The following B3GAT2 variants were observed in gnomAD, a reference collection of about 807,000 sequenced individuals.
The protein encoded by B3GAT2 is galactosylgalactosylxylosylprotein 3-beta-glucuronosyltransferase 2.
A neutral mutation model predicts 27.8 loss-of-function variants in B3GAT2; 26 were observed. That is an observed-to-expected ratio of 0.93 (90% CI 0.68 to 1.30). B3GAT2 has a LOEUF of 1.30. Among genes scored for constraint, B3GAT2 ranks in the 50% most tolerant of loss-of-function variants. The pLI, the probability that B3GAT2 is intolerant of heterozygous loss-of-function variation, is 0.00. For missense variants in B3GAT2, 458 were observed against 459.0 expected (o/e 1.00, Z 0.02); for synonymous variants, 218 against 195.1 (o/e 1.12, Z -0.98).
At chr6:70,949,007 ATG>A (rs1464971174) in intron 1 of B3GAT2, among the ~76,000 whole-genome samples, 1 of 152,226 alleles carries the variant, frequency 6.6e-6, no homozygotes, top group Non-Finnish European at 1.5e-5. Context: ...GGCTAGCCAT[ATG>A]TAGAAAGCTG....
intron 2 of B3GAT2, among the ~76,000 whole-genome samples, chr6:70,879,606 G>A (rs190892930): frequency 1.3e-5 from 2 of 152,284 alleles, no homozygotes; most frequent in East Asian, 3.9e-4. Flanking sequence ...TATAGCCCAG[G>A]TGCAGGCTTG....
intron 1 of B3GAT2, among the ~76,000 whole-genome samples, chr6:70,916,156 G>T (rs1772769569): frequency 6.6e-6 from 1 of 151,876 alleles, no homozygotes; most frequent in Non-Finnish European, 1.5e-5. Flanking sequence ...TATTCTCTTT[G>T]AGGCAGTTGG....
At chr6:70,905,672 G>A (rs927415625) in intron 1 of B3GAT2, among the ~76,000 whole-genome samples, 2 of 152,140 alleles carry the variant, frequency 1.3e-5, no homozygotes, top group African/African-American at 4.8e-5. Flanking sequence ...GGTTTGTGTA[G>A]CTGTATAGTC....
intron 1 of B3GAT2, among the ~76,000 whole-genome samples, chr6:70,954,490 CAG>C (rs1765619796): frequency 6.6e-6 from 1 of 152,102 alleles, no homozygotes; most frequent in South Asian, 2.1e-4. Context: ...TAAAGCCACA[CAG>C]AAAAATTAAA....
chr6:70,932,113 T>C (rs1773071936), intron 1 of B3GAT2, among the ~76,000 whole-genome samples: 1 of 152,296 alleles, frequency 6.6e-6, no homozygotes, highest in East Asian at 1.9e-4. Context: ...CTTCATATTT[T>C]TTTGCATGGC....
At chr6:70,954,918 G>A (rs182405061) in intron 1 of B3GAT2, among the ~76,000 whole-genome samples, 2,707 of 151,664 alleles carry the variant, frequency 0.018, 117 homozygotes, top group African/African-American at 0.06. Flanking sequence ...GGGGCGGCGG[G>A]GGGGGGCGGT....
chr6:70,907,634 G>C (rs568287457), intron 1 of B3GAT2, among the ~76,000 whole-genome samples: 7 of 152,308 alleles, frequency 4.6e-5, no homozygotes, highest in African/African-American at 1.7e-4. Context: ...GCACACTGGA[G>C]CATGGGCAAA....
chr6:70,914,066 G>C (rs1772729770), intron 1 of B3GAT2, among the ~76,000 whole-genome samples: 1 of 151,928 alleles, frequency 6.6e-6, no homozygotes, highest in South Asian at 2.1e-4. Flanking sequence ...CCTTTATTTT[G>C]AGCCTATGGG....
chr6:70,884,851 A>G (rs1431592508), intron 2 of B3GAT2, among the ~76,000 whole-genome samples: 2 of 152,228 alleles, frequency 1.3e-5, no homozygotes, highest in Admixed American at 1.3e-4. Context: ...AATTGAGGTG[A>G]ACTGATGTGC....
chr6:70,929,449 C>T (rs1159260514), intron 1 of B3GAT2, among the ~76,000 whole-genome samples: 2 of 152,032 alleles, frequency 1.3e-5, no homozygotes, highest in Non-Finnish European at 2.9e-5. Flanking sequence ...TTTAGAAAAC[C>T]CCATCGTCTC....
intron 2 of B3GAT2, among the ~76,000 whole-genome samples, chr6:70,862,191 G>A (rs928688209): frequency 2.4e-4 from 36 of 152,218 alleles, no homozygotes; most frequent in East Asian, 1.2e-3. Context: ...AAATAAAGGC[G>A]TGCACAGGAG....
intron 1 of B3GAT2, among the ~76,000 whole-genome samples, chr6:70,907,942 T>C (rs993651073): frequency 2.0e-5 from 3 of 152,232 alleles, no homozygotes; most frequent in African/African-American, 7.2e-5. Context: ...CAGTTTGAGT[T>C]GGGGTTTTTG....
chr6:70,949,266 G>A lies in B3GAT2; in HGVS notation c.591+6573C>T, dbSNP rs550025671. 2.8e-4 allele frequency among the ~76,000 whole-genome samples: 42 copies of A among 151,974 alleles called. No homozygotes were observed. The East Asian group carries it at 6.2e-3, about 22-fold the overall frequency. ...AAGAAACTACCATCAGAGTGAACAGGCAACCTACAAAATGGGAGAATATTT... is the reference window on the plus strand; with the variant it reads ...AAGAAACTACCATCAGAGTGAACAGACAACCTACAAAATGGGAGAATATTT... On this transcript the variant is annotated intron_variant, in intron 1 of 3. Transcript: ENST00000230053.
In B3GAT2 at chr6:70,934,050, G is replaced by A. The variant is rs114088409; in HGVS notation, c.591+21789C>T. On this transcript the variant is annotated intron_variant, in intron 1 of 3. Coordinates refer to ENST00000230053, the MANE Select transcript of B3GAT2 (RefSeq NM_080742.3). ...GAATGCCAAGGGTGGGACCCAGAAC[G>A]CAGTAAAAAATGAAAAAAGCACTAG... 5.3e-3 allele frequency among the ~76,000 whole-genome samples: 805 copies of A among 152,272 alleles called. 9 individuals carry two copies. Among genetic ancestry groups the A allele is most frequent in the African/African-American group, 0.018 (757 of 41,556 alleles).
intron 2 of B3GAT2, among the ~76,000 whole-genome samples, chr6:70,884,095 C>CAAAAAAA (rs70990339): frequency 9.9e-6 from 1 of 100,694 alleles, no homozygotes; most frequent in Non-Finnish European, 2.0e-5. Flanking sequence ...CCTCAAGACT[C>CAAAAAAA]AAAAAAAAAA....
intron 1 of B3GAT2, among the ~76,000 whole-genome samples, chr6:70,909,773 A>G (rs1261500386): frequency 6.6e-6 from 1 of 152,222 alleles, no homozygotes; most frequent in Non-Finnish European, 1.5e-5. Context: ...TTAAACAAAT[A>G]TCTGAATTCA....
At chr6:70,872,225 T>C (rs1442874257) in intron 2 of B3GAT2, among the ~76,000 whole-genome samples, 1 of 151,964 alleles carries the variant, frequency 6.6e-6, no homozygotes, top group Non-Finnish European at 1.5e-5. Flanking sequence ...ATTTACAGTG[T>C]TTTTCAAGTC....
rs532092702 is a variant in B3GAT2 at position 70,871,578 on chromosome 6, G to T, written c.737-9600C>A. 5.3e-5 allele frequency among the ~76,000 whole-genome samples: 8 copies of T among 151,786 alleles called. No homozygotes were observed. In the East Asian group the frequency reaches 1.5e-3, roughly 29 times the overall value. ...TTATGTAAGGTTGGTATTAATATTC[G>T]TGCTTTCATTCCTGATTTTAGTAAT... On this transcript the variant is annotated intron_variant, in intron 2 of 3. Transcript: ENST00000230053.
chr6:70,888,079 G>A (rs1772220193), intron 2 of B3GAT2, among the ~76,000 whole-genome samples: 1 of 152,320 alleles, frequency 6.6e-6, no homozygotes. Context: ...TCGAGGTGGA[G>A]TGGACACGGG....
Sources: allele counts gnomAD v4.1 joint callset (sites outside exome capture counted in the v4.1 genomes callset), GRCh38; gene constraint gnomAD v4.1.1; transcripts MANE v1.5; gene names NCBI Gene and HGNC (gene_info 2026-07-23, HGNC 2026-07-21).